EPS15: variants seen among roughly 807,000 people sequenced by gnomAD.
The protein encoded by EPS15 is epidermal growth factor receptor pathway substrate 15.
In EPS15, 72 loss-of-function variants were observed where a neutral mutation model predicts 113.8. The observed-to-expected ratio is 0.63, with a 90% CI of 0.52 to 0.77. The LOEUF (loss-of-function observed/expected upper bound fraction) is 0.77, where lower values mean the gene tolerates loss of function less well. EPS15 is among the 30% of genes least tolerant of loss of function. EPS15 has a pLI of 0.00. For missense variants in EPS15, 1,048 were observed against 1,045.8 expected, an observed-to-expected ratio of 1.00 and a Z score of -0.03; for synonymous variants, 344 against 363.4, an observed-to-expected ratio of 0.95 and a Z score of 0.61.
intron 14 of EPS15, 87 bp downstream of exon 14, chr1:51,409,448 T>C: frequency 7.7e-7 from 1 of 1,293,726 alleles, no homozygotes; most frequent in Non-Finnish European, 1.1e-6. Context: ...CCACCATCAA[T>C]AACAAAAAGT....
intron 10 of EPS15, among the ~76,000 whole-genome samples, chr1:51,446,300 A>G (rs1653042661): frequency 6.6e-6 from 1 of 152,216 alleles, no homozygotes; most frequent in Non-Finnish European, 1.5e-5. Flanking sequence ...ATACATATAC[A>G]CTATAAAATT....
At chr1:51,404,171 C>T (rs1296173964) in intron 16 of EPS15, among the ~76,000 whole-genome samples, 4 of 152,028 alleles carry the variant, frequency 2.6e-5, no homozygotes, top group Admixed American at 2.6e-4. Flanking sequence ...ACGGTGAAAC[C>T]CCGTCTCTAC....
At chr1:51,490,195 T>C (rs1292749877) in intron 1 of EPS15, 1 of 376,494 alleles carries the variant, frequency 2.7e-6, no homozygotes, top group Non-Finnish European at 5.2e-6. Flanking sequence ...GTACATGACT[T>C]TGAGAGTACA....
At chr1:51,519,161 C>A (rs749111159) in intron 1 of EPS15, 38 bp downstream of exon 1, 1 of 1,416,194 alleles carries the variant, frequency 7.1e-7, no homozygotes. Context: ...GAGGGGGCAC[C>A]GGCCGGCCAA....
At chr1:51,445,091 A>ACTTTTTT in intron 10 of EPS15, 46 bp from the exon 11 acceptor site, 6 of 1,546,010 alleles carry the variant, frequency 3.9e-6, no homozygotes, top group Non-Finnish European at 5.3e-6. Flanking sequence ...CCACAACTGC[A>ACTTTTTT]AAAAGTCCAG....
Position 51,440,349 on chromosome 1 carries a change from C to T in EPS15, c.1038G>A (p.Gln346=). ...GGCTGTAATTTTGCTTTACATACCT[C>T]TGTAGGTCAACTATTTCATTGTTAA... ...DTLNNEIVDL[Q]REKNNVEQDL... Residue 346 remains glutamine, a splice_region_variant and synonymous_variant, in exon 12 of 25, where the codon CAG becomes CAA. Coordinates refer to ENST00000371733, the MANE Select transcript of EPS15 (RefSeq NM_001981.3). 1 of 1,527,862 alleles carries T rather than the reference C, an allele frequency of 6.5e-7. No homozygotes were observed. Among genetic ancestry groups the T allele is most frequent in the South Asian group, 1.2e-5 (1 of 86,500 alleles). 94.6% of individuals were successfully genotyped at this position (1,527,862 alleles called of 1,614,324 possible).
At chr1:51,456,331 T>C (rs1653993738) in intron 8 of EPS15, among the ~76,000 whole-genome samples, 1 of 152,030 alleles carries the variant, frequency 6.6e-6, no homozygotes, top group African/African-American at 2.4e-5. Context: ...TTTTTCCCAT[T>C]CAAAAAAATA....
chr1:51,481,412 T>TAATTC, intron 1 of EPS15, 98 bp from the exon 2 acceptor site: 1 of 685,252 alleles, frequency 1.5e-6, no homozygotes, highest in South Asian at 1.6e-5. Context: ...CAAAGATGAA[T>TAATTC]AAGATAAAAT....
chr1:51,398,567 T>C (rs540404474), intron 20 of EPS15, among the ~76,000 whole-genome samples: 272 of 152,350 alleles, frequency 1.8e-3, no homozygotes, highest in African/African-American at 6.2e-3. Flanking sequence ...GCTGTAGGTA[T>C]GTACATTCTC....
chr1:51,461,118 T>C lies in EPS15; in HGVS notation c.534A>G (p.Gly178=). The change falls in exon 8 of 25, where the codon GGA becomes GGG. Residue 178 remains glycine (G), a synonymous_variant. Transcript: ENST00000371733. ...CTGCAAACTCATCTCTGTCAAGCAT[T>C]CCATCATGGTCAATATCACTCAACT... ...VWELSDIDHD[G]MLDRDEFAVA... is the part of the protein sequence containing the mutation. The C allele has an allele frequency of 6.2e-7, 1 of 1,604,142 alleles. No homozygotes were observed. The highest frequency in any genetic ancestry group is 8.5e-7 in the Non-Finnish European group (1 of 1,170,952).
At chr1:51,387,975 A>G (rs561803707) in intron 21 of EPS15, among the ~76,000 whole-genome samples, 11 of 152,348 alleles carry the variant, frequency 7.2e-5, no homozygotes, top group South Asian at 2.1e-4. Flanking sequence ...CAGACCTAAT[A>G]GACATCTACA....
intron 1 of EPS15, among the ~76,000 whole-genome samples, chr1:51,489,605 G>A (rs557567323): frequency 2.6e-4 from 39 of 152,072 alleles, no homozygotes; most frequent in African/African-American, 8.9e-4. Flanking sequence ...ATTCCCAGTC[G>A]TCTGTTTCCC....
chr1:51,452,816 T>C (rs951205628), intron 8 of EPS15, among the ~76,000 whole-genome samples: 1 of 152,172 alleles, frequency 6.6e-6, no homozygotes, highest in Non-Finnish European at 1.5e-5. Flanking sequence ...CCTTAACCCA[T>C]TGGTACCCAA....
chr1:51,373,802 T>C (rs1646719986), intron 21 of EPS15, among the ~76,000 whole-genome samples: 1 of 152,038 alleles, frequency 6.6e-6, no homozygotes, highest in African/African-American at 2.4e-5. Flanking sequence ...AATACAAAAA[T>C]TAGCCAGGCG....
chr1:51,381,716 T>G (rs997281557), intron 21 of EPS15, among the ~76,000 whole-genome samples: 3 of 152,008 alleles, frequency 2.0e-5, no homozygotes, highest in Admixed American at 6.6e-5. Flanking sequence ...GCTCAACCAA[T>G]TGGTCAAAGA....
intron 13 of EPS15, among the ~76,000 whole-genome samples, chr1:51,410,822 AC>A (rs1383738010): frequency 6.6e-6 from 1 of 152,244 alleles, no homozygotes; most frequent in Non-Finnish European, 1.5e-5. Context: ...ACAAGATAGC[AC>A]CATTATGATA....
chr1:51,414,416 C>CA (rs879744964), intron 13 of EPS15, among the ~76,000 whole-genome samples: 1,363 of 131,290 alleles, frequency 0.01, 19 homozygotes, highest in African/African-American at 0.035. Flanking sequence ...AACTCCATCT[C>CA]AAAAAAAAAA....
intron 1 of EPS15, among the ~76,000 whole-genome samples, chr1:51,499,637 T>C (rs1644380298): frequency 6.6e-6 from 1 of 151,964 alleles, no homozygotes; most frequent in Non-Finnish European, 1.5e-5. Flanking sequence ...AAAGCCACCC[T>C]AATGGGTATG....
chr1:51,502,099 C>A (rs1269366524), intron 1 of EPS15, among the ~76,000 whole-genome samples: 1 of 152,138 alleles, frequency 6.6e-6, no homozygotes, highest in Non-Finnish European at 1.5e-5. Context: ...GAGACTCCAT[C>A]TTTACAAAAA....
Sources: gnomAD v4.1 joint callset for allele counts (sites outside exome capture counted in the v4.1 genomes callset) on GRCh38, gnomAD v4.1.1 for gene constraint, MANE v1.5 for transcripts, NCBI Gene and HGNC (gene_info 2026-07-23, HGNC 2026-07-21) for gene names.